The following IL1RL1 variants were observed in gnomAD, a reference collection of about 807,000 sequenced individuals.
IL1RL1 encodes the protein interleukin-1 receptor-like 1.
In IL1RL1, 32 loss-of-function variants were observed where a neutral mutation model predicts 50.9. That is an observed-to-expected ratio of 0.63 (90% CI 0.47 to 0.84). The LOEUF (loss-of-function observed/expected upper bound fraction) is 0.84, where lower values mean the gene tolerates loss of function less well. Among genes scored for constraint, IL1RL1 ranks in the 40% least tolerant of loss-of-function variants. IL1RL1 has a pLI of 0.00. For synonymous variants in IL1RL1, 275 were observed against 236.0 expected (o/e 1.17, Z -1.51); for missense variants, 773 against 662.9 (o/e 1.17, Z -1.82).
chr2:102,338,994 GT>G lies in IL1RL1; in HGVS notation c.222del (p.Leu75TyrfsTer43). ...RVFASGQLLKFLPAAVADSGI... is the reference protein window; with the variant it reads ...RVFASGQLLKXLPAAVADSGI... The stretch of plus-strand genomic sequence containing the variant: ...TGTTTGCCTCAGGCCAACTTCTGAA[GT>G]TTCTACCAGCTGCAGTTGCTGATTC... On this transcript the variant is annotated frameshift_variant, in exon 3 of 11. Transcript: ENST00000233954. LOFTEE classifies it high-confidence loss of function. 1 of 1,613,970 alleles carries G rather than the reference GT, an allele frequency of 6.2e-7. No individual in the cohort carries two copies. Among genetic ancestry groups the G allele is most frequent in the East Asian group, 2.2e-5 (1 of 44,872 alleles).
chr2:102,325,101 C>G (rs11123921), intron 1 of IL1RL1, among the ~76,000 whole-genome samples: 72,657 of 151,928 alleles, frequency 0.48, 17,660 homozygotes, highest in Middle Eastern at 0.64. Context: ...AGGCACCCCC[C>G]AGTAGGGGGC....
At chr2:102,311,908 ATATATTTTAT>A (rs1279942393) in intron 1 of IL1RL1, among the ~76,000 whole-genome samples, 27 of 57,468 alleles carry the variant, frequency 4.7e-4, no homozygotes, top group Admixed American at 1.7e-3. Context: ...CATATATGTT[ATATATTTTAT>A]TATATAATAT....
At chr2:102,349,509 C>T (rs952622952) in intron 10 of IL1RL1, among the ~76,000 whole-genome samples, 3 of 152,114 alleles carry the variant, frequency 2.0e-5, no homozygotes, top group Non-Finnish European at 4.4e-5. Flanking sequence ...CTTAGCAAAC[C>T]ATCATCCCTA....
At chr2:102,331,757 G>C (rs1157882916) in intron 1 of IL1RL1, among the ~76,000 whole-genome samples, 1 of 152,182 alleles carries the variant, frequency 6.6e-6, no homozygotes, top group African/African-American at 2.4e-5. Flanking sequence ...TTGGTCATCT[G>C]TACTGGTTCA....
At chr2:102,322,282 G>T (rs146912050) in intron 1 of IL1RL1, among the ~76,000 whole-genome samples, 298 of 152,264 alleles carry the variant, frequency 2.0e-3, no homozygotes, top group African/African-American at 6.5e-3. Flanking sequence ...ACATTCCACA[G>T]TGCTGTCCTT....
At chr2:102,340,536 C>A in intron 4 of IL1RL1, 130 bp from the exon 5 acceptor site, 2 of 927,482 alleles carry the variant, frequency 2.2e-6, no homozygotes, top group Non-Finnish European at 3.3e-6. Flanking sequence ...TCACTTGAAC[C>A]TAGAAGGCAG....
rs114764300 is a variant in IL1RL1 at position 102,345,199 on chromosome 2, G to A, written c.970+1784G>A. On this transcript the variant is annotated intron_variant, in intron 8 of 10. Transcript: ENST00000233954. The stretch of plus-strand genomic sequence containing the variant: ...GACAATGTGAAACATCAGAGATGAA[G>A]TGCTCTTCCCACAGAGGTGGACTGA... 1,460 of 980,250 alleles carry A rather than the reference G, an allele frequency of 1.5e-3. 17 individuals carry two copies. In the African/African-American group the frequency reaches 0.023, roughly 16 times the overall value. 60.7% of individuals were successfully genotyped at this position (980,250 alleles called of 1,614,324 possible).
In IL1RL1 at chr2:102,349,230, T is replaced by G. The variant is rs774143209; in HGVS notation, c.1269T>G (p.Asp423Glu). 2 of 1,613,654 alleles carry G rather than the reference T, an allele frequency of 1.2e-6. No individual in the cohort carries two copies. Among genetic ancestry groups the G allele is most frequent in the Admixed American group, 3.3e-5 (2 of 60,020 alleles). The change falls in exon 10 of 11, where the codon GAT (aspartate) becomes GAG (glutamate). Residue 423 changes from aspartate (D) to glutamate (E), a missense_variant. By Grantham distance (45) the Asp-to-Glu change is conservative. Coordinates refer to ENST00000233954, the MANE Select transcript of IL1RL1 (RefSeq NM_016232.5). ...CGYTLCIYGR[D>E]MLPGEDVVTA... is the part of the protein sequence containing the mutation. ...ATACCTTATGCATTTATGGGAGAGA[T>G]ATGCTACCTGGAGAAGGTAAAGCTA... is the stretch of plus-strand genomic sequence containing the variant.
chr2:102,333,812 C>A (rs1428844915), intron 1 of IL1RL1, among the ~76,000 whole-genome samples: 1 of 152,066 alleles, frequency 6.6e-6, no homozygotes, highest in Admixed American at 6.6e-5. Flanking sequence ...GGTTTAGCTC[C>A]CACATATGAG....
intron 1 of IL1RL1, among the ~76,000 whole-genome samples, chr2:102,315,039 T>C (rs1213595937): frequency 6.6e-6 from 1 of 152,236 alleles, no homozygotes; most frequent in African/African-American, 2.4e-5. Flanking sequence ...CCCTTGGTAC[T>C]GCTAGTCTGA....
chr2:102,351,509 A>G (rs1271099872), intron 10 of IL1RL1, 27 bp from the exon 11 acceptor site: 2 of 1,592,644 alleles, frequency 1.3e-6, no homozygotes, highest in Middle Eastern at 1.7e-4. Flanking sequence ...ACTGATAAGA[A>G]ATCTGATCTA....
intron 1 of IL1RL1, among the ~76,000 whole-genome samples, chr2:102,318,068 G>T (rs1573128345): frequency 6.6e-6 from 1 of 152,176 alleles, no homozygotes; most frequent in Non-Finnish European, 1.5e-5. Context: ...CCCCCAGGGG[G>T]TCTTCTTGTT....
chr2:102,344,537 G>C (rs965461530), intron 8 of IL1RL1: 1 of 215,452 alleles, frequency 4.6e-6, no homozygotes, highest in Non-Finnish European at 7.9e-6. Context: ...GTAGCATCCT[G>C]TTTGTATCAT....
chr2:102,325,337 C>T (rs1031087154), intron 1 of IL1RL1, among the ~76,000 whole-genome samples: 1 of 152,122 alleles, frequency 6.6e-6, no homozygotes, highest in African/African-American at 2.4e-5. Context: ...ACATCCACAC[C>T]AAAACCCCAT....
At chr2:102,315,379 T>A (rs1305546201) in intron 1 of IL1RL1, among the ~76,000 whole-genome samples, 3 of 152,196 alleles carry the variant, frequency 2.0e-5, no homozygotes, top group African/African-American at 4.8e-5. Flanking sequence ...TTTGCTGCAA[T>A]CTTGGCTGAA....
chr2:102,347,882 A>G (rs552869846), intron 8 of IL1RL1, 63 bp from the exon 9 acceptor site: 15 of 955,480 alleles, frequency 1.6e-5, no homozygotes, highest in Non-Finnish European at 2.3e-5. Flanking sequence ...GCCAACATCC[A>G]TGTATCAGTT....
chr2:102,337,730 T>C (rs59247511), intron 1 of IL1RL1, among the ~76,000 whole-genome samples: 72,756 of 152,036 alleles, frequency 0.48, 17,645 homozygotes, highest in Middle Eastern at 0.64. Context: ...AGCATGCTGC[T>C]ACCAGCCTGT....
intron 9 of IL1RL1, among the ~76,000 whole-genome samples, chr2:102,348,829 GTTCT>G (rs1677851150): frequency 6.6e-6 from 1 of 152,176 alleles, no homozygotes; most frequent in Non-Finnish European, 1.5e-5. Flanking sequence ...AGATGGACAG[GTTCT>G]TGTCCACTTT....
intron 1 of IL1RL1, among the ~76,000 whole-genome samples, chr2:102,322,957 A>AT (rs1380524946): frequency 7.2e-5 from 11 of 151,898 alleles, no homozygotes; most frequent in Non-Finnish European, 1.2e-4. Flanking sequence ...AGGCTTTATT[A>AT]TTTTTTTGTT....
Sources: allele counts gnomAD v4.1 joint callset (sites outside exome capture counted in the v4.1 genomes callset), GRCh38; gene constraint gnomAD v4.1.1; transcripts MANE v1.5; gene names NCBI Gene and HGNC (gene_info 2026-07-23, HGNC 2026-07-21).